BLOC1S6: variants seen among roughly 807,000 people sequenced by gnomAD.
BLOC1S6 encodes biogenesis of lysosome-related organelles complex 1 subunit 6.
Under a neutral mutation model 24.7 loss-of-function variants are expected in BLOC1S6, and 24 were observed. The ratio of observed to expected loss-of-function variants is 0.97; its 90% CI spans 0.70 to 1.37. The LOEUF (loss-of-function observed/expected upper bound fraction) is 1.37. Ranked by LOEUF, BLOC1S6 falls within the 40% of genes most tolerant of loss-of-function variation. BLOC1S6 has a pLI of 0.00. For synonymous variants in BLOC1S6, 76 were observed against 72.6 expected, an observed-to-expected ratio of 1.05 and a Z score of -0.23; for missense variants, 175 against 196.2, an observed-to-expected ratio of 0.89 and a Z score of 0.64.
At chr15:45,593,735 A>T (rs564776735) in intron 2 of BLOC1S6, among the ~76,000 whole-genome samples, 1 of 152,186 alleles carries the variant, frequency 6.6e-6, no homozygotes, top group Non-Finnish European at 1.5e-5. Context: ...CCAGACAACA[A>T]TGATTATTTT....
At chr15:45,600,793 G>C (rs1894245648) in intron 2 of BLOC1S6, among the ~76,000 whole-genome samples, 1 of 152,096 alleles carries the variant, frequency 6.6e-6, no homozygotes, top group South Asian at 2.1e-4. Flanking sequence ...TATCTGGTTT[G>C]GCTTTAGGGT....
At chr15:45,589,127 A>G (rs1456738157) in intron 1 of BLOC1S6, among the ~76,000 whole-genome samples, 1 of 152,186 alleles carries the variant, frequency 6.6e-6, no homozygotes, top group Non-Finnish European at 1.5e-5. Context: ...TAATCCATCT[A>G]TGGGGGACTG....
At chr15:45,595,958 C>A (rs1894059203) in intron 2 of BLOC1S6, among the ~76,000 whole-genome samples, 1 of 152,130 alleles carries the variant, frequency 6.6e-6, no homozygotes, top group Non-Finnish European at 1.5e-5. Flanking sequence ...CAGGCATGCA[C>A]CACCACGCCT....
rs1894493512 is a variant in BLOC1S6 at position 45,607,053 on chromosome 15, GATACTCTTTATT to G, written c.*541_*552del. 6.5e-6 allele frequency: 1 copy of G among 152,720 alleles called. No homozygotes were observed. The highest frequency in any genetic ancestry group is 6.5e-5 in the Admixed American group (1 of 15,328). The allele number at this position is 152,720 out of a possible 1,614,324, so 9.5% of individuals were successfully genotyped here. On this transcript the variant is annotated 3_prime_UTR_variant, in exon 5 of 5. Transcript: ENST00000220531. ...CTATAGCTTTTTGGTGAGAGGAAGT[GATACTCTTTATT>G]ACAAGAAACAAGGAATTAACAAAAA...
intron 2 of BLOC1S6, among the ~76,000 whole-genome samples, chr15:45,594,245 A>C (rs911098830): frequency 1.6e-4 from 24 of 152,170 alleles, no homozygotes; most frequent in Middle Eastern, 3.2e-3. Flanking sequence ...TGAGTAAGGA[A>C]GACCAAGAAA....
In BLOC1S6 at chr15:45,592,209, G is replaced by T; in HGVS notation, c.157G>T (p.Ala53Ser). ...TIEDKAVEQLAEGLLSHYLPD... is the reference protein window; with the variant it reads ...TIEDKAVEQLSEGLLSHYLPD... ...AGAAGACAAAGCAGTGGAGCAACTG[G>T]CAGAAGGATTGCTTTCTCATTATTT... is the stretch of plus-strand genomic sequence containing the variant. The change falls in exon 2 of 5, where the codon GCA becomes TCA. Residue 53 changes from alanine (A) to serine (S), a missense_variant. Coordinates refer to ENST00000220531, the MANE Select transcript of BLOC1S6 (RefSeq NM_012388.4). The T allele has an allele frequency of 6.2e-7, 1 of 1,614,112 alleles. No homozygotes were observed. Among genetic ancestry groups the T allele is most frequent in the Non-Finnish European group, 8.5e-7 (1 of 1,180,020 alleles).
In BLOC1S6 at chr15:45,607,820, A is replaced by G. The variant is rs999624209; in HGVS notation, c.*1306A>G. ...CTTGAAGTGGAATGATGTACACCAA[A>G]TACCCACTTTATAGATAATTACAGG... On this transcript the variant is annotated 3_prime_UTR_variant, in exon 5 of 5. Transcript: ENST00000220531. 6.6e-6 allele frequency: 1 copy of G among 152,250 alleles called. No homozygotes were observed. Among genetic ancestry groups the G allele is most frequent in the Non-Finnish European group, 1.5e-5 (1 of 68,046 alleles). 9.4% of individuals were successfully genotyped at this position (152,250 alleles called of 1,614,324 possible). A position where few individuals can be genotyped will look rare whatever the true frequency, so the allele number is the denominator to read the frequency against.
intron 2 of BLOC1S6, among the ~76,000 whole-genome samples, chr15:45,601,772 TC>T (rs1161531073): frequency 6.6e-6 from 1 of 152,170 alleles, no homozygotes; most frequent in Non-Finnish European, 1.5e-5. Context: ...ATTTTTGCTG[TC>T]CTGTGTATCT....
intron 2 of BLOC1S6, among the ~76,000 whole-genome samples, chr15:45,593,771 G>A (rs1893972405): frequency 6.6e-6 from 1 of 151,944 alleles, no homozygotes; most frequent in South Asian, 2.1e-4. Flanking sequence ...ATTAGCTACT[G>A]TTTGTTATTA....
chr15:45,597,902 G>C (rs1303702048), intron 2 of BLOC1S6: 4 of 378,598 alleles, frequency 1.1e-5, no homozygotes, highest in Non-Finnish European at 2.1e-5. Flanking sequence ...GTATGATGTT[G>C]AATATCCTTG....
intron 2 of BLOC1S6, among the ~76,000 whole-genome samples, chr15:45,593,057 G>A (rs774361273): frequency 2.8e-4 from 42 of 152,246 alleles, no homozygotes; most frequent in Non-Finnish European, 5.1e-4. Flanking sequence ...ATAATTATAA[G>A]TAATGTTATA....
At chr15:45,596,016 C>T (rs1458633758) in intron 2 of BLOC1S6, among the ~76,000 whole-genome samples, 1 of 152,120 alleles carries the variant, frequency 6.6e-6, no homozygotes, top group Non-Finnish European at 1.5e-5. Flanking sequence ...CCATGTTGGT[C>T]AGGCTGGTCT....
intron 1 of BLOC1S6, among the ~76,000 whole-genome samples, chr15:45,590,323 G>T (rs531495872): frequency 6.6e-6 from 1 of 151,380 alleles, no homozygotes; most frequent in Middle Eastern, 3.2e-3. Flanking sequence ...CATGTGTTTC[G>T]TAGGGTTAAA....
At chr15:45,589,440 CAAAG>C (rs1026226222) in intron 1 of BLOC1S6, among the ~76,000 whole-genome samples, 67 of 152,318 alleles carry the variant, frequency 4.4e-4, no homozygotes, top group African/African-American at 1.5e-3. Context: ...CTCGAATAGA[CAAAG>C]AGAAATGAAA....
At chr15:45,605,372 A>T (rs1239020782) in intron 3 of BLOC1S6, 56 bp from the exon 4 acceptor site, 17 of 1,386,126 alleles carry the variant, frequency 1.2e-5, no homozygotes, top group Non-Finnish European at 1.6e-5. Flanking sequence ...TTATTTATTC[A>T]TTTTGATATT....
chr15:45,605,920 T>C (rs971512757), intron 4 of BLOC1S6: 4 of 276,410 alleles, frequency 1.4e-5, no homozygotes, highest in Non-Finnish European at 2.8e-5. Context: ...TATACCCTCA[T>C]ATACAATAGC....
At chr15:45,594,565 G>A (rs919683357) in intron 2 of BLOC1S6, among the ~76,000 whole-genome samples, 6 of 152,028 alleles carry the variant, frequency 3.9e-5, no homozygotes, top group African/African-American at 1.4e-4. Context: ...CATCTTTTCT[G>A]CCCCACTGTA....
At chr15:45,596,692 T>G (rs1017007318) in intron 2 of BLOC1S6, among the ~76,000 whole-genome samples, 1 of 151,632 alleles carries the variant, frequency 6.6e-6, no homozygotes, top group Non-Finnish European at 1.5e-5. Context: ...TTGTTTGTTT[T>G]TTTTTTGAGA....
At chr15:45,587,562 G>A (rs1468812411) in intron 1 of BLOC1S6, 37 bp downstream of exon 1, 1 of 1,534,460 alleles carries the variant, frequency 6.5e-7, no homozygotes, top group Non-Finnish European at 8.8e-7. Flanking sequence ...GCCCGGGCTG[G>A]GTGTGAGGGG....
Sources: gnomAD v4.1 joint callset for allele counts (sites outside exome capture counted in the v4.1 genomes callset) on GRCh38, gnomAD v4.1.1 for gene constraint, MANE v1.5 for transcripts, NCBI Gene and HGNC (gene_info 2026-07-23, HGNC 2026-07-21) for gene names.